SGTB: variants seen among roughly 807,000 people sequenced by gnomAD.
The protein encoded by SGTB is small glutamine rich tetratricopeptide repeat co-chaperone beta.
SGTB carries 19 observed loss-of-function variants against 43.9 expected under a neutral mutation model. The ratio of observed to expected loss-of-function variants is 0.43; its 90% confidence interval spans 0.30 to 0.63. The LOEUF (loss-of-function observed/expected upper bound fraction) is 0.63. Ranked by LOEUF, SGTB falls within the 30% of genes least tolerant of loss-of-function variation. The pLI is 0.12. For synonymous variants in SGTB, 116 were observed against 117.3 expected, an observed-to-expected ratio of 0.99 and a Z score of 0.07; for missense variants, 304 against 358.9, an observed-to-expected ratio of 0.85 and a Z score of 1.24.
chr5:65,722,438 C>T (rs1758332304), upstream of SGTB: 1 of 1,573,034 alleles, frequency 6.4e-7, no homozygotes. Flanking sequence ...GCGGGTTAAC[C>T]TTGGCCGTGG....
chr5:65,680,553 C>T lies in SGTB; in HGVS notation c.622G>A (p.Gly208Arg). 1 of 1,614,130 alleles carries T rather than the reference C, an allele frequency of 6.2e-7. No homozygotes were observed. Among genetic ancestry groups the T allele is most frequent in the Non-Finnish European group, 8.5e-7 (1 of 1,180,004 alleles). The change falls in exon 8 of 11, where the codon GGA (glycine) becomes AGA (arginine). Residue 208 changes from glycine (G) to arginine (R), a missense_variant. By Grantham distance (125) the Gly-to-Arg change is moderately radical. Coordinates refer to ENST00000381007, the MANE Select transcript of SGTB (RefSeq NM_019072.3). ...QKLREVSSPT[G>R]TGLSFDMASL... ...GCCATGTCAAAGCTCAGTCCAGTTC[C>T]TGTCTGTAAAACAATTATATCTGAG...
chr5:65,680,449 T>A, intron 8 of SGTB, 45 bp downstream of exon 8: 2 of 1,605,026 alleles, frequency 1.2e-6, no homozygotes, highest in South Asian at 2.2e-5. Context: ...CTACATAGTC[T>A]ATGGAAAACA....
chr5:65,717,334 T>C (rs183140047), intron 2 of SGTB, among the ~76,000 whole-genome samples: 1 of 152,248 alleles, frequency 6.6e-6, no homozygotes, highest in East Asian at 1.9e-4. Context: ...TTTTTGCTTT[T>C]TTGAAGAAGG....
At chr5:65,714,682 G>GA (rs1758114886) in intron 2 of SGTB, among the ~76,000 whole-genome samples, 1 of 152,180 alleles carries the variant, frequency 6.6e-6, no homozygotes, top group Non-Finnish European at 1.5e-5. Flanking sequence ...AGATGTGATT[G>GA]CATGCCCCTG....
intron 8 of SGTB, among the ~76,000 whole-genome samples, chr5:65,676,159 G>A (rs1388243764): frequency 6.6e-6 from 1 of 151,972 alleles, no homozygotes; most frequent in African/African-American, 2.4e-5. Flanking sequence ...CCAAGCAAAT[G>A]GAAAACAGAA....
intron 6 of SGTB, among the ~76,000 whole-genome samples, chr5:65,684,970 T>C (rs955380763): frequency 1.4e-4 from 21 of 152,162 alleles, no homozygotes; most frequent in African/African-American, 5.1e-4. Flanking sequence ...ATCTAGCTTC[T>C]CAATTAAGTG....
intron 5 of SGTB, among the ~76,000 whole-genome samples, chr5:65,688,134 T>C (rs949998203): frequency 3.9e-5 from 6 of 152,136 alleles, no homozygotes; most frequent in African/African-American, 1.4e-4. Context: ...ACAACATTTA[T>C]TGAGAGAAAA....
At chr5:65,693,325 G>T (rs764983192) in intron 5 of SGTB, among the ~76,000 whole-genome samples, 1 of 147,316 alleles carries the variant, frequency 6.8e-6, no homozygotes, top group Non-Finnish European at 1.5e-5. Flanking sequence ...AAGAGAGAAA[G>T]AAAGAGGAGA....
chr5:65,681,848 G>A (rs1314693103), intron 6 of SGTB, among the ~76,000 whole-genome samples: 1 of 151,866 alleles, frequency 6.6e-6, no homozygotes, highest in Admixed American at 6.6e-5. Context: ...GGTGGCAGAC[G>A]CCTGTAATCC....
intron 5 of SGTB, among the ~76,000 whole-genome samples, chr5:65,697,244 T>G (rs560708434): frequency 1.1e-3 from 166 of 152,296 alleles, no homozygotes; most frequent in Non-Finnish European, 2.0e-3. Context: ...ACTGCACTTT[T>G]CAGGGAAAAA....
intron 5 of SGTB, among the ~76,000 whole-genome samples, chr5:65,691,492 GT>G (rs1457504455): frequency 2.0e-5 from 3 of 151,676 alleles, no homozygotes; most frequent in Non-Finnish European, 4.4e-5. Flanking sequence ...ACACCCAGCT[GT>G]TTTTTGTATT....
chr5:65,674,462 A>G (rs1342904280), intron 8 of SGTB, among the ~76,000 whole-genome samples: 1 of 152,130 alleles, frequency 6.6e-6, no homozygotes, highest in Non-Finnish European at 1.5e-5. Context: ...CCACACAGCT[A>G]ATTCTGCCAC....
At chr5:65,704,232 T>C (rs760816275) in intron 5 of SGTB, 47 bp downstream of exon 5, 6 of 1,358,574 alleles carry the variant, frequency 4.4e-6, no homozygotes, top group Non-Finnish European at 3.1e-6. Context: ...GAGCTATTAA[T>C]CTAAATGTTT....
intron 8 of SGTB, among the ~76,000 whole-genome samples, chr5:65,678,759 T>C (rs1203771793): frequency 3.3e-5 from 5 of 152,188 alleles, no homozygotes; most frequent in African/African-American, 1.2e-4. Context: ...CCCTATTTAA[T>C]AAGTGTTGCT....
chr5:65,719,459 A>G (rs1758212210), intron 2 of SGTB, among the ~76,000 whole-genome samples: 1 of 151,934 alleles, frequency 6.6e-6, no homozygotes, highest in Non-Finnish European at 1.5e-5. Context: ...CGGGTGTGGT[A>G]GTGTACTCCT....
At chr5:65,699,691 C>G (rs1166045441) in intron 5 of SGTB, among the ~76,000 whole-genome samples, 2 of 152,182 alleles carry the variant, frequency 1.3e-5, no homozygotes, top group African/African-American at 2.4e-5. Flanking sequence ...CTGCGAACCT[C>G]AAGTGATCCA....
At chr5:65,695,834 A>G in intron 5 of SGTB, among the ~76,000 whole-genome samples, 1 of 152,250 alleles carries the variant, frequency 6.6e-6, no homozygotes, top group East Asian at 1.9e-4. Flanking sequence ...GACTTTGTAC[A>G]TATTATCACT....
At chr5:65,673,741 T>C (rs537192311) in intron 8 of SGTB, among the ~76,000 whole-genome samples, 1 of 151,882 alleles carries the variant, frequency 6.6e-6, no homozygotes, top group East Asian at 1.9e-4. Flanking sequence ...CTGCAACCTC[T>C]GCCTCCCGGA....
At chr5:65,722,459 G>A (rs1298597765), upstream of SGTB, 4 of 1,532,488 alleles carry the variant, frequency 2.6e-6, no homozygotes, top group East Asian at 2.5e-5. Flanking sequence ...GCAGGGCGGG[G>A]TCTTTCGCCG....
Sources: allele counts gnomAD v4.1 joint callset (sites outside exome capture counted in the v4.1 genomes callset), GRCh38; gene constraint gnomAD v4.1.1; transcripts MANE v1.5; gene names NCBI Gene and HGNC (gene_info 2026-07-23, HGNC 2026-07-21).